SUPT3H: variants seen among roughly 807,000 people sequenced by gnomAD.
SUPT3H encodes SPT3 homolog, SAGA and STAGA complex component.
In SUPT3H, 44 loss-of-function variants were observed where a neutral mutation model predicts 44.3. That is an observed-to-expected ratio of 0.99 (90% confidence interval 0.78 to 1.28). SUPT3H has a LOEUF of 1.28. SUPT3H is among the 50% of genes most tolerant of loss of function. SUPT3H has a pLI of 0.00. For missense variants in SUPT3H, 380 were observed against 387.1 expected (o/e 0.98, Z 0.15); for synonymous variants, 124 against 125.6 (o/e 0.99, Z 0.09).
chr6:45,137,471 T>A (rs1393575475), intron 2 of SUPT3H, among the ~76,000 whole-genome samples: 6 of 151,996 alleles, frequency 3.9e-5, no homozygotes. Context: ...AAATATACCA[T>A]ATGTCTATGT....
intron 2 of SUPT3H, among the ~76,000 whole-genome samples, chr6:45,194,789 C>T (rs1815737042): frequency 6.6e-6 from 1 of 152,122 alleles, no homozygotes; most frequent in Admixed American, 6.6e-5. Flanking sequence ...TTCTTACAGT[C>T]ATTTAAATCA....
intron 3 of SUPT3H, among the ~76,000 whole-genome samples, chr6:45,087,587 AAC>A (rs1263639465): frequency 2.0e-5 from 3 of 151,880 alleles, no homozygotes; most frequent in African/African-American, 7.2e-5. Flanking sequence ...TCAACATCAA[AAC>A]AGTGTCCCTA....
chr6:44,810,084 G>A (rs1232141211), intron 11 of SUPT3H, among the ~76,000 whole-genome samples: 1 of 152,188 alleles, frequency 6.6e-6, no homozygotes, highest in African/African-American at 2.4e-5. Context: ...CTGTCCTTCA[G>A]CAGCTCTGGA....
At chr6:44,862,998 G>C (rs1302870050) in intron 10 of SUPT3H, among the ~76,000 whole-genome samples, 2 of 152,162 alleles carry the variant, frequency 1.3e-5, no homozygotes, top group Non-Finnish European at 2.9e-5. Flanking sequence ...GCCTGCAGCT[G>C]ACATCTGCTT....
At position 45,236,239 on chromosome 6, in the gene SUPT3H, G is replaced by A. The variant is rs145073853; in HGVS notation, c.101+128962C>T. ...ACGACTGAGCTGGTCTCGGCAAGTG[G>A]AACCCAACGTTGGGGCTCAAACCCA... On this transcript the variant is annotated intron_variant, in intron 2 of 10. Coordinates refer to ENST00000371459, the MANE Select transcript of SUPT3H (RefSeq NM_003599.4). Among the ~76,000 whole-genome samples, 762 of 152,150 alleles carry A rather than the reference G, an allele frequency of 5.0e-3. 27 individuals carry two copies. Among genetic ancestry groups the A allele is most frequent in the East Asian group, 4.7e-3 (24 of 5,150 alleles).
At chr6:44,966,131 G>A (rs1230597374) in intron 6 of SUPT3H, among the ~76,000 whole-genome samples, 1 of 151,840 alleles carries the variant, frequency 6.6e-6, no homozygotes, top group Non-Finnish European at 1.5e-5. Context: ...ATTTTCTGTG[G>A]TGCCCTAATT....
chr6:45,322,587 T>C (rs887308992), intron 2 of SUPT3H, among the ~76,000 whole-genome samples: 13 of 152,232 alleles, frequency 8.5e-5, no homozygotes, highest in African/African-American at 3.1e-4. Flanking sequence ...TCTATATTGT[T>C]AATTATGCTA....
At chr6:44,984,744 C>T (rs898571437) in intron 6 of SUPT3H, among the ~76,000 whole-genome samples, 28 of 152,090 alleles carry the variant, frequency 1.8e-4, no homozygotes, top group Non-Finnish European at 3.5e-4. Context: ...TAGTAGCACA[C>T]TTAATTAATA....
rs567525411 is a variant in SUPT3H at position 45,232,029 on chromosome 6, G to A, written c.102-126023C>T. The stretch of plus-strand genomic sequence containing the variant: ...TTTCAGAATTCTCTTGTATCTCTCT[G>A]AGCATTTTTAGTTTAATTTTACATT... On this transcript the variant is annotated intron_variant, in intron 2 of 10. Transcript: ENST00000371459. 3.3e-5 allele frequency among the ~76,000 whole-genome samples: 5 copies of A among 152,142 alleles called. No individual in the cohort carries two copies. In the South Asian group the frequency reaches 8.3e-4, roughly 25 times the overall value.
intron 3 of SUPT3H, among the ~76,000 whole-genome samples, chr6:45,085,692 C>T (rs1407023921): frequency 1.3e-5 from 2 of 152,070 alleles, no homozygotes; most frequent in Non-Finnish European, 2.9e-5. Flanking sequence ...ATGTTTTCCA[C>T]ATTTCTATAT....
intron 2 of SUPT3H, among the ~76,000 whole-genome samples, chr6:45,116,782 T>A (rs996242220): frequency 6.6e-6 from 1 of 152,094 alleles, no homozygotes; most frequent in Non-Finnish European, 1.5e-5. Context: ...TTCAATAACT[T>A]TTAGTAAATT....
rs1770694415 is a variant in SUPT3H at position 44,932,179 on chromosome 6, A to G, written c.912+474T>C. On this transcript the variant is annotated intron_variant, in intron 10 of 10. Transcript: ENST00000371459. ...CAAAACCCTGATTATAAGTTTTCAA[A>G]TCATTTGAAGATGTAAAAGGCTGTC... Among the ~76,000 whole-genome samples, 2 of 152,216 alleles carry G rather than the reference A, an allele frequency of 1.3e-5. 1 individual carries two copies. The highest frequency in any genetic ancestry group is 4.1e-4 in the South Asian group (2 of 4,836).
At chr6:44,897,721 C>T (rs766189503) in intron 10 of SUPT3H, among the ~76,000 whole-genome samples, 2 of 152,142 alleles carry the variant, frequency 1.3e-5, no homozygotes, top group South Asian at 2.1e-4. Flanking sequence ...GATACAACAG[C>T]GAGCAAAGGT....
chr6:45,076,555 C>T lies in SUPT3H; in HGVS notation c.186+29367G>A, dbSNP rs73737873. 3.9e-3 allele frequency among the ~76,000 whole-genome samples: 594 copies of T among 151,704 alleles called. 7 individuals are homozygous for T. Among genetic ancestry groups the T allele is most frequent in the African/African-American group, 0.014 (566 of 41,382 alleles). The stretch of plus-strand genomic sequence containing the variant: ...TGATGTATTCTCTGATACAAACAGG[C>T]TCTTCCAAACTTTAGTCAATGAAGT... On this transcript the variant is annotated intron_variant, in intron 3 of 10. Transcript: ENST00000371459.
At chr6:45,196,243 A>C (rs971844591) in intron 2 of SUPT3H, among the ~76,000 whole-genome samples, 1 of 152,010 alleles carries the variant, frequency 6.6e-6, no homozygotes, top group Non-Finnish European at 1.5e-5. Context: ...AGCTGTTTAA[A>C]ATTTATTTTT....
chr6:45,073,036 G>C (rs989014622), intron 3 of SUPT3H, among the ~76,000 whole-genome samples: 3 of 152,068 alleles, frequency 2.0e-5, no homozygotes, highest in African/African-American at 7.2e-5. Context: ...GCCTAAATAT[G>C]AATTTGAAAG....
chr6:45,315,990 A>G (rs905088573), intron 2 of SUPT3H, among the ~76,000 whole-genome samples: 3 of 150,960 alleles, frequency 2.0e-5, no homozygotes, highest in African/African-American at 7.4e-5. Context: ...AATACTACTC[A>G]ACCATACAAA....
chr6:45,294,533 T>G (rs1039058505), intron 2 of SUPT3H, among the ~76,000 whole-genome samples: 5 of 151,828 alleles, frequency 3.3e-5, no homozygotes, highest in African/African-American at 1.2e-4. Context: ...AAAGAGGAAG[T>G]CAAACTGTTG....
At chr6:45,197,177 TA>T (rs1816197541) in intron 2 of SUPT3H, among the ~76,000 whole-genome samples, 1 of 151,676 alleles carries the variant, frequency 6.6e-6, no homozygotes, top group Non-Finnish European at 1.5e-5. Flanking sequence ...GAATAAAGAT[TA>T]TTTTTTAATA....
Sources: allele counts gnomAD v4.1 joint callset (sites outside exome capture counted in the v4.1 genomes callset), GRCh38; gene constraint gnomAD v4.1.1; transcripts MANE v1.5; gene names NCBI Gene and HGNC (gene_info 2026-07-23, HGNC 2026-07-21).